Variants in CPVL observed in about 807,000 individuals in gnomAD.
CPVL encodes probable serine carboxypeptidase CPVL.
A neutral mutation model predicts 63.7 loss-of-function variants in CPVL; 51 were observed. That is an observed-to-expected ratio of 0.80 (90% CI 0.64 to 1.01). The LOEUF (loss-of-function observed/expected upper bound fraction) is 1.01, where lower values mean the gene tolerates loss of function less well. Among genes scored for constraint, CPVL ranks in the 50% least tolerant of loss-of-function variants. The probability of loss-of-function intolerance (pLI) is 0.00; values close to 1 mark genes in which losing one functional copy is unlikely to be tolerated. For synonymous variants in CPVL, 195 were observed against 206.0 expected (o/e 0.95, Z 0.46); for missense variants, 530 against 573.1 (o/e 0.92, Z 0.77).
intron 1 of CPVL, chr7:29,193,423 CTT>C (rs1783153030): frequency 1.3e-5 from 2 of 152,126 alleles, no homozygotes; most frequent in African/African-American, 4.8e-5. Flanking sequence ...TGACTATGTT[CTT>C]TTAACCATGT....
chr7:29,139,596 A>C (rs1358930831), intron 1 of CPVL, among the ~76,000 whole-genome samples: 1 of 152,164 alleles, frequency 6.6e-6, no homozygotes, highest in Admixed American at 6.5e-5. Context: ...TTTTTTAAAA[A>C]TCCTATTAAA....
chr7:29,172,776 CT>C (rs1197123798), intron 5 of CPVL, among the ~76,000 whole-genome samples: 7 of 151,378 alleles, frequency 4.6e-5, no homozygotes, highest in African/African-American at 1.7e-4. Context: ...TATTATAAAA[CT>C]TTTTTTTTCA....
intron 1 of CPVL, among the ~76,000 whole-genome samples, chr7:29,125,495 C>T (rs185354664): frequency 4.3e-4 from 64 of 150,380 alleles, no homozygotes; most frequent in Admixed American, 1.4e-3. Flanking sequence ...TCGGTTCAAG[C>T]GATTCTCTTG....
chr7:29,182,331 C>A (rs1798162931), intron 4 of CPVL, among the ~76,000 whole-genome samples: 1 of 152,048 alleles, frequency 6.6e-6, no homozygotes, highest in African/African-American at 2.4e-5. Context: ...AGTGTTCCAC[C>A]TACCAATAAT....
chr7:29,066,791 C>T (rs182569558), intron 9 of CPVL, among the ~76,000 whole-genome samples: 4 of 152,268 alleles, frequency 2.6e-5, no homozygotes, highest in East Asian at 3.9e-4. Flanking sequence ...ACCAGCTGAG[C>T]GGGAGAGCAG....
At chr7:29,124,422 T>G (rs889274912) in intron 1 of CPVL, among the ~76,000 whole-genome samples, 1 of 152,068 alleles carries the variant, frequency 6.6e-6, no homozygotes, top group Admixed American at 6.6e-5. Context: ...AAAATCTGGG[T>G]AAATACAAAA....
At chr7:29,022,315 G>A (rs1249594137) in intron 12 of CPVL, among the ~76,000 whole-genome samples, 2 of 152,124 alleles carry the variant, frequency 1.3e-5, no homozygotes, top group African/African-American at 4.8e-5. Context: ...GTGCCCACAC[G>A]CATCATCTGG....
intron 11 of CPVL, among the ~76,000 whole-genome samples, chr7:29,056,943 CCTTTT>C (rs1790793353): frequency 7.6e-6 from 1 of 131,504 alleles, no homozygotes; most frequent in Admixed American, 8.9e-5. Flanking sequence ...AACATCTTTT[CCTTTT>C]CTTTTTTTTT....
intron 1 of CPVL, among the ~76,000 whole-genome samples, chr7:29,187,464 C>T (rs1798855976): frequency 6.6e-6 from 1 of 152,120 alleles, no homozygotes; most frequent in African/African-American, 2.4e-5. Flanking sequence ...TGGCTCACGC[C>T]TGTAATCCCA....
intron 12 of CPVL, among the ~76,000 whole-genome samples, chr7:29,004,714 G>A (rs147834435): frequency 2.6e-3 from 395 of 152,132 alleles, no homozygotes; most frequent in African/African-American, 8.8e-3. Context: ...ACCACTTGTC[G>A]CACTGTGCCT....
At chr7:29,081,929 C>T (rs67175198) in intron 7 of CPVL, among the ~76,000 whole-genome samples, 16,061 of 152,236 alleles carry the variant, frequency 0.11, 1,068 homozygotes, top group Middle Eastern at 0.15. Context: ...TGCTCCAGAC[C>T]CCTTGAGCAT....
intron 12 of CPVL, among the ~76,000 whole-genome samples, chr7:29,002,866 C>CAAAAAAAAAAA (rs373207674): frequency 8.0e-6 from 1 of 124,308 alleles, no homozygotes; most frequent in Non-Finnish European, 1.6e-5. Context: ...TATGAAAATT[C>CAAAAAAAAAAA]AAAAAAAAAA....
chr7:29,035,064 G>T (rs891041994), intron 11 of CPVL, among the ~76,000 whole-genome samples: 1 of 149,074 alleles, frequency 6.7e-6, no homozygotes, highest in South Asian at 2.1e-4. Flanking sequence ...TCCAAGAGAC[G>T]GCATTTGGTG....
At chr7:29,163,862 T>C (rs1795531472) in intron 5 of CPVL, among the ~76,000 whole-genome samples, 1 of 152,238 alleles carries the variant, frequency 6.6e-6, no homozygotes, top group Admixed American at 6.5e-5. Context: ...AGTTCACTCC[T>C]TTTCATTGCT....
chr7:29,180,110 AT>A (rs1797869463), intron 5 of CPVL, among the ~76,000 whole-genome samples: 1 of 152,242 alleles, frequency 6.6e-6, no homozygotes, highest in Non-Finnish European at 1.5e-5. Flanking sequence ...CATTCTTAAT[AT>A]TCCGAAGTCA....
intron 12 of CPVL, among the ~76,000 whole-genome samples, chr7:29,018,378 CTTTTTTTTTTTT>C (rs70977092): frequency 8.1e-6 from 1 of 124,012 alleles, no homozygotes; most frequent in Non-Finnish European, 1.6e-5. Flanking sequence ...AATTTTTAAT[CTTTTTTTTTTTT>C]TTTTTTGAGA....
At chr7:29,150,465 GGA>G (rs1468377134), upstream of CPVL, among the ~76,000 whole-genome samples, 1 of 152,076 alleles carries the variant, frequency 6.6e-6, no homozygotes, top group Non-Finnish European at 1.5e-5. Flanking sequence ...AATTGTATCT[GGA>G]CACCACACAA....
At chr7:29,038,578 C>T (rs1393481496) in intron 11 of CPVL, among the ~76,000 whole-genome samples, 2 of 152,252 alleles carry the variant, frequency 1.3e-5, no homozygotes, top group Non-Finnish European at 2.9e-5. Flanking sequence ...CTCTCAGCCA[C>T]AATGAGCTAA....
chr7:29,167,339 T>A (rs1043005920), intron 5 of CPVL, among the ~76,000 whole-genome samples: 1 of 152,188 alleles, frequency 6.6e-6, no homozygotes, highest in Admixed American at 6.5e-5. Flanking sequence ...ATCTGTTCAT[T>A]CATATTCTAT....
Sources: gnomAD v4.1 joint callset for allele counts (sites outside exome capture counted in the v4.1 genomes callset) on GRCh38, gnomAD v4.1.1 for gene constraint, MANE v1.5 for transcripts, NCBI Gene and HGNC (gene_info 2026-07-23, HGNC 2026-07-21) for gene names.